F3: variants seen among roughly 807,000 people sequenced by gnomAD.
The protein encoded by F3 is coagulation factor III, tissue factor.
Under a neutral mutation model 33.5 loss-of-function variants are expected in F3, and 18 were observed. The observed-to-expected ratio is 0.54, with a 90% CI of 0.37 to 0.80. F3 has a LOEUF of 0.80. Ranked by LOEUF, F3 falls within the 30% of genes least tolerant of loss-of-function variation. The probability of loss-of-function intolerance (pLI) is 0.00; values close to 1 mark genes in which losing one functional copy is unlikely to be tolerated. For synonymous variants in F3, 147 were observed against 140.7 expected (o/e 1.05, Z -0.32); for missense variants, 353 against 362.1 (o/e 0.97, Z 0.20).
Position 94,536,123 on chromosome 1 carries a change from G to A in F3, c.254C>T (p.Thr85Ile), listed in dbSNP as rs929612920. 4 of 1,614,180 alleles carry A rather than the reference G, an allele frequency of 2.5e-6. No homozygotes were observed. The Admixed American group carries it at 6.7e-5, about 27-fold the overall frequency. The change falls in exon 3 of 6, where the codon ACA (threonine) becomes ATA (isoleucine). Residue 85 changes from threonine (T) to isoleucine (I), a missense_variant. Coordinates refer to ENST00000334047, the MANE Select transcript of F3 (RefSeq NM_001993.5). ...GTCGGTGAGGTCACACTCTGTGTCT[G>A]TTGTGTAAAAGCATTTGCTTTTCCA... is the stretch of plus-strand genomic sequence containing the variant. ...GDWKSKCFYTTDTECDLTDEI... is the reference protein window; with the variant it reads ...GDWKSKCFYTIDTECDLTDEI...
In F3 at chr1:94,530,966, A is replaced by C. The variant is rs3917630; in HGVS notation, c.752-370T>G. 9.8e-3 allele frequency among the ~76,000 whole-genome samples: 1,496 copies of C among 152,322 alleles called. 29 individuals carry two copies. The highest frequency in any genetic ancestry group is 0.035 in the African/African-American group (1,448 of 41,564). The stretch of plus-strand genomic sequence containing the variant: ...AAAGTGGGAGATCCAAAGTGCTACC[A>C]GGATTTGGGTGAAGAAGAGATAGTA... On this transcript the variant is annotated intron_variant, in intron 5 of 5. Transcript: ENST00000334047.
chr1:94,536,548 C>A (rs1651615500), intron 2 of F3, among the ~76,000 whole-genome samples: 1 of 152,164 alleles, frequency 6.6e-6, no homozygotes. Flanking sequence ...GTGACTAGCT[C>A]AAAATCACAC....
At chr1:94,530,626 G>A in intron 5 of F3, 30 bp from the exon 6 acceptor site, 1 of 1,613,006 alleles carries the variant, frequency 6.2e-7, no homozygotes, top group South Asian at 1.1e-5. Flanking sequence ...TAGTCAACTT[G>A]GAGAGCTCAA....
intron 3 of F3, among the ~76,000 whole-genome samples, chr1:94,534,244 C>T (rs148098806): frequency 2.2e-3 from 336 of 152,170 alleles, no homozygotes; most frequent in African/African-American, 7.8e-3. Flanking sequence ...ATATAATACA[C>T]GCAACATGAA....
At chr1:94,538,252 T>C (rs1267431107) in intron 2 of F3, among the ~76,000 whole-genome samples, 1 of 152,254 alleles carries the variant, frequency 6.6e-6, no homozygotes, top group Admixed American at 6.5e-5. Flanking sequence ...AATTCAGCTT[T>C]AGAATTCAGA....
Position 94,530,549 on chromosome 1 carries a change from C to G in F3, c.799G>C (p.Val267Leu), listed in dbSNP as rs750901330. 6.2e-7 allele frequency: 1 copy of G among 1,614,034 alleles called. No individual in the cohort carries two copies. Among genetic ancestry groups the G allele is most frequent in the Admixed American group, 1.7e-5 (1 of 60,004 alleles). The part of the protein sequence containing the change: ...GAVVFVVIIL[V>L]IILAISLHKC... ...TGTAGAGATATAGCCAGGATGATGACAAGGATGATGACCACAAATACCACA... is the reference window on the plus strand; with the variant it reads ...TGTAGAGATATAGCCAGGATGATGAGAAGGATGATGACCACAAATACCACA... The change falls in exon 6 of 6, where the codon GTC (valine) becomes CTC (leucine). Residue 267 changes from valine to leucine, a missense_variant. By Grantham distance (32) the Val-to-Leu change is conservative. Coordinates refer to ENST00000334047, the MANE Select transcript of F3 (RefSeq NM_001993.5).
In F3 at chr1:94,540,175, T is replaced by C. The variant is rs980710537; in HGVS notation, c.212+82A>G. ...TCTGTTAAATAATTTCATCCAGTAATCAGCTTTAAAGACATTCTTGTTCAG... is the reference window on the plus strand; with the variant it reads ...TCTGTTAAATAATTTCATCCAGTAACCAGCTTTAAAGACATTCTTGTTCAG... On this transcript the variant is annotated intron_variant, in intron 2 of 5. Coordinates refer to ENST00000334047, the MANE Select transcript of F3 (RefSeq NM_001993.5). The C allele has an allele frequency of 6.7e-6, 6 of 890,510 alleles. No individual in the cohort carries two copies. In the African/African-American group the frequency reaches 8.5e-5, roughly 13 times the overall value. 55.2% of individuals were successfully genotyped at this position (890,510 alleles called of 1,614,324 possible).
At chr1:94,537,011 T>A (rs989607698) in intron 2 of F3, among the ~76,000 whole-genome samples, 1 of 152,102 alleles carries the variant, frequency 6.6e-6, no homozygotes, top group Admixed American at 6.6e-5. Flanking sequence ...AGGTCACATA[T>A]CTAACGAGTG....
At chr1:94,535,907 C>A (rs1263369603) in intron 3 of F3, 58 bp downstream of exon 3, 6 of 1,511,810 alleles carry the variant, frequency 4.0e-6, no homozygotes, top group Non-Finnish European at 5.5e-6. Context: ...CACAAGATCA[C>A]GAGAATGTTC....
intron 1 of F3, chr1:94,540,646 A>G: frequency 2.8e-6 from 1 of 352,970 alleles, no homozygotes; most frequent in Non-Finnish European, 5.2e-6. Flanking sequence ...CCTTGTTATA[A>G]CTTGACCGGG....
At chr1:94,535,840 C>T in intron 3 of F3, 125 bp downstream of exon 3, 2 of 865,644 alleles carry the variant, frequency 2.3e-6, no homozygotes, top group East Asian at 2.5e-5. Context: ...GGCTGTGATA[C>T]ATACCAGTTT....
chr1:94,537,602 G>C (rs1570865830), intron 2 of F3, among the ~76,000 whole-genome samples: 1 of 152,220 alleles, frequency 6.6e-6, no homozygotes, highest in African/African-American at 2.4e-5. Context: ...TAATCTCAGG[G>C]AAAACGAGGC....
In F3 at chr1:94,533,690, C is replaced by A. The variant is rs927550475; in HGVS notation, c.413-422G>T. ...CTACTTCCTCCATCTTTTCTCCTGC[C>A]GTGGCCCCTGCTCTTCCTCCTCCTC... is the stretch of plus-strand genomic sequence containing the variant. On this transcript the variant is annotated intron_variant, in intron 3 of 5. Transcript: ENST00000334047. Among the ~76,000 whole-genome samples the A allele has an allele frequency of 3.9e-5, 6 of 152,120 alleles. No individual in the cohort carries two copies. The South Asian group carries it at 1.2e-3, about 32-fold the overall frequency.
intron 2 of F3, among the ~76,000 whole-genome samples, chr1:94,536,938 AG>A (rs1651626300): frequency 6.6e-6 from 1 of 152,132 alleles, no homozygotes; most frequent in South Asian, 2.1e-4. Context: ...CCTTCCAAGA[AG>A]GTGTTGGATC....
Position 94,536,072 on chromosome 1 carries a change from G to T in F3, c.305C>A (p.Thr102Lys), listed in dbSNP as rs371434099. Residue 102 changes from threonine to lysine, a missense_variant, in exon 3 of 6, where the codon ACG becomes AAG. Coordinates refer to ENST00000334047, the MANE Select transcript of F3 (RefSeq NM_001993.5). The stretch of plus-strand genomic sequence containing the variant: ...GTAGGAGAAGACCCGTGCCAAGTAC[G>T]TCTGCTTCACATCCTTCACAATCTC... ...TDEIVKDVKQTYLARVFSYPA... is the reference protein window; with the variant it reads ...TDEIVKDVKQKYLARVFSYPA... The T allele has an allele frequency of 6.2e-7, 1 of 1,614,068 alleles. No individual in the cohort carries two copies. Among genetic ancestry groups the T allele is most frequent in the Non-Finnish European group, 8.5e-7 (1 of 1,179,946 alleles).
chr1:94,532,555 G>T, intron 4 of F3, 75 bp from the exon 5 acceptor site: 1 of 1,529,340 alleles, frequency 6.5e-7, no homozygotes, highest in Non-Finnish European at 8.9e-7. Flanking sequence ...CACTGTGGAA[G>T]TAAAAACCTA....
In F3 at chr1:94,529,640, A is replaced by C. The variant is rs1249902129; in HGVS notation, c.*820T>G. The C allele has an allele frequency of 3.3e-5, 5 of 152,536 alleles. No individual in the cohort carries two copies. The highest frequency in any genetic ancestry group is 7.3e-5 in the Non-Finnish European group (5 of 68,032). 9.4% of individuals were successfully genotyped at this position (152,536 alleles called of 1,614,324 possible). Reference sequence around the variant, plus strand: ...TTAACACATTAATACAAAGTTTGCCAATTGTTTTGAATTTCCAAATGTATT... The same window carrying C: ...TTAACACATTAATACAAAGTTTGCCCATTGTTTTGAATTTCCAAATGTATT... On this transcript the variant is annotated 3_prime_UTR_variant, in exon 6 of 6. Coordinates refer to ENST00000334047, the MANE Select transcript of F3 (RefSeq NM_001993.5).
rs757964333 is a variant in F3, at chr1:94,541,605, C to T, written c.32G>A (p.Arg11His). 4.1e-6 allele frequency: 6 copies of T among 1,459,082 alleles called. No homozygotes were observed. In the African/African-American group the frequency reaches 8.8e-5, roughly 21 times the overall value. The allele number at this position is 1,459,082 out of a possible 1,614,324, so 90.4% of individuals were successfully genotyped here. METPAWPRVPRPETAVARTLL... is the reference protein window; with the variant it reads METPAWPRVPHPETAVARTLL... ...CGTCCGAGCGACGGCGGTCTCGGGGCGCGGGACCCGGGGCCAGGCAGGGGT... is the reference window on the plus strand; with the variant it reads ...CGTCCGAGCGACGGCGGTCTCGGGGTGCGGGACCCGGGGCCAGGCAGGGGT... The change falls in exon 1 of 6, where the codon CGC becomes CAC. Residue 11 changes from arginine (R) to histidine (H), a missense_variant. By Grantham distance (29) the Arg-to-His change is conservative. Transcript: ENST00000334047.
intron 2 of F3, 41 bp downstream of exon 2, chr1:94,540,216 A>G (rs1651731965): frequency 7.9e-7 from 1 of 1,262,290 alleles, no homozygotes. Flanking sequence ...GACAGTAGAA[A>G]CATCAAAGAC....
Sources: gnomAD v4.1 joint callset for allele counts (sites outside exome capture counted in the v4.1 genomes callset) on GRCh38, gnomAD v4.1.1 for gene constraint, MANE v1.5 for transcripts, NCBI Gene and HGNC (gene_info 2026-07-23, HGNC 2026-07-21) for gene names.